The following GRID2 variants were observed in gnomAD, a reference collection of about 807,000 sequenced individuals.
GRID2 encodes the protein glutamate receptor ionotropic, delta-2.
In GRID2, 33 loss-of-function variants were observed where a neutral mutation model predicts 114.8. The observed-to-expected ratio is 0.29, with a 90% CI of 0.22 to 0.38. The LOEUF (loss-of-function observed/expected upper bound fraction) is 0.38, where lower values mean the gene tolerates loss of function less well. Among genes scored for constraint, GRID2 ranks in the 10% least tolerant of loss-of-function variants. The pLI is 1.00. For missense variants in GRID2, 1,184 were observed against 1,257.7 expected, an observed-to-expected ratio of 0.94 and a Z score of 0.89; for synonymous variants, 505 against 449.9, an observed-to-expected ratio of 1.12 and a Z score of -1.55.
At chr4:92,410,151 T>C (rs1275350936) in intron 1 of GRID2, among the ~76,000 whole-genome samples, 1 of 152,198 alleles carries the variant, frequency 6.6e-6, no homozygotes, top group Non-Finnish European at 1.5e-5. Context: ...ACACCCAACA[T>C]GACTTTCCGG....
chr4:93,176,140 T>A (rs1310832304), intron 4 of GRID2, among the ~76,000 whole-genome samples: 1 of 152,224 alleles, frequency 6.6e-6, no homozygotes, highest in Non-Finnish European at 1.5e-5. Context: ...TAATGGAAAT[T>A]GATTTTTTTA....
chr4:92,442,342 C>T (rs1388704769), intron 1 of GRID2, among the ~76,000 whole-genome samples: 2 of 151,946 alleles, frequency 1.3e-5, no homozygotes, highest in Admixed American at 6.6e-5. Flanking sequence ...TCAGTGGGGT[C>T]CTACACAGAT....
intron 8 of GRID2, among the ~76,000 whole-genome samples, chr4:93,278,328 A>G (rs1752283628): frequency 1.3e-5 from 2 of 151,864 alleles, no homozygotes; most frequent in African/African-American, 4.8e-5. Context: ...TCTGGTAGGT[A>G]ATCAGAAATG....
intron 10 of GRID2, among the ~76,000 whole-genome samples, chr4:93,423,793 ACATTTATAAT>A (rs1768574294): frequency 6.6e-6 from 1 of 152,104 alleles, no homozygotes; most frequent in African/African-American, 2.4e-5. Context: ...AGGCACATAG[ACATTTATAAT>A]TATTACATTT....
intron 2 of GRID2, among the ~76,000 whole-genome samples, chr4:92,735,601 C>A (rs941559837): frequency 6.6e-6 from 1 of 152,070 alleles, no homozygotes; most frequent in African/African-American, 2.4e-5. Flanking sequence ...TATTTAGGAA[C>A]TTTAATTAAC....
At chr4:93,391,639 G>A (rs1220008585) in intron 8 of GRID2, among the ~76,000 whole-genome samples, 2 of 152,088 alleles carry the variant, frequency 1.3e-5, no homozygotes, top group Admixed American at 1.3e-4. Context: ...TTAAAATCGA[G>A]CAGTTCAGCT....
At chr4:92,462,019 CA>C (rs1424314795) in intron 1 of GRID2, among the ~76,000 whole-genome samples, 1 of 151,964 alleles carries the variant, frequency 6.6e-6, no homozygotes, top group Non-Finnish European at 1.5e-5. Context: ...TGGAGCATTA[CA>C]AGATATTTAA....
intron 2 of GRID2, among the ~76,000 whole-genome samples, chr4:92,796,476 G>C (rs912604672): frequency 1.3e-5 from 2 of 151,840 alleles, no homozygotes; most frequent in African/African-American, 4.8e-5. Context: ...GGGATTAGTA[G>C]CTTTATAGGT....
chr4:92,388,385 C>G (rs1221747697), intron 1 of GRID2, among the ~76,000 whole-genome samples: 3 of 151,934 alleles, frequency 2.0e-5, no homozygotes, highest in Non-Finnish European at 4.4e-5. Context: ...ACAATAGTAT[C>G]CCTGGCTCTC....
intron 1 of GRID2, among the ~76,000 whole-genome samples, chr4:92,541,845 A>G (rs1436434485): frequency 6.6e-6 from 1 of 152,152 alleles, no homozygotes; most frequent in Non-Finnish European, 1.5e-5. Flanking sequence ...TTCACCTGGA[A>G]TAACTACCAC....
intron 2 of GRID2, among the ~76,000 whole-genome samples, chr4:92,652,378 C>T (rs1719832880): frequency 6.6e-6 from 1 of 151,898 alleles, no homozygotes; most frequent in Non-Finnish European, 1.5e-5. Flanking sequence ...ACAGTCTTTA[C>T]TTAAAAATCA....
intron 2 of GRID2, among the ~76,000 whole-genome samples, chr4:93,010,129 C>T (rs1162364833): frequency 6.6e-6 from 1 of 151,946 alleles, no homozygotes; most frequent in East Asian, 1.9e-4. Context: ...GGAGGTTATT[C>T]ACTTTGGTTT....
intron 13 of GRID2, among the ~76,000 whole-genome samples, chr4:93,553,961 A>G (rs1045504390): frequency 3.9e-5 from 6 of 152,174 alleles, no homozygotes; most frequent in African/African-American, 1.4e-4. Flanking sequence ...CTTATGACTT[A>G]TGGAGCCCAT....
At chr4:92,376,162 T>C (rs1729344653) in intron 1 of GRID2, among the ~76,000 whole-genome samples, 1 of 151,884 alleles carries the variant, frequency 6.6e-6, no homozygotes, top group South Asian at 2.1e-4. Flanking sequence ...TACAAAAAAT[T>C]AGCCCGGTGT....
At chr4:92,470,932 T>C (rs541005428) in intron 1 of GRID2, among the ~76,000 whole-genome samples, 66 of 152,166 alleles carry the variant, frequency 4.3e-4, no homozygotes, top group African/African-American at 1.4e-3. Flanking sequence ...TTGAGCAATG[T>C]ACATTATAAT....
At chr4:93,088,535 G>A (rs1003411854) in intron 3 of GRID2, among the ~76,000 whole-genome samples, 6 of 151,998 alleles carry the variant, frequency 3.9e-5, no homozygotes, top group Non-Finnish European at 7.4e-5. Flanking sequence ...TTTAATTTTG[G>A]CACCAGTGAT....
At chr4:92,797,837 C>A (rs184484365) in intron 2 of GRID2, among the ~76,000 whole-genome samples, 1,606 of 151,912 alleles carry the variant, frequency 0.011, 9 homozygotes, top group South Asian at 0.025. Context: ...GTTCAAGGGC[C>A]AACTATACCC....
intron 1 of GRID2, among the ~76,000 whole-genome samples, chr4:92,536,434 A>G (rs7674619): frequency 0.22 from 33,275 of 152,096 alleles, 3,940 homozygotes; most frequent in South Asian, 0.3. Flanking sequence ...ACTACGTTGC[A>G]TAGTACTAGA....
intron 2 of GRID2, among the ~76,000 whole-genome samples, chr4:92,603,891 CAAAAA>C (rs902708133): frequency 6.6e-6 from 1 of 151,608 alleles, no homozygotes; most frequent in Non-Finnish European, 1.5e-5. Context: ...AGACACTTCT[CAAAAA>C]TAAAATAAAA....
Sources: gnomAD v4.1 joint callset for allele counts (sites outside exome capture counted in the v4.1 genomes callset) on GRCh38, gnomAD v4.1.1 for gene constraint, MANE v1.5 for transcripts, NCBI Gene and HGNC (gene_info 2026-07-23, HGNC 2026-07-21) for gene names.